Variants in MRPS6 observed in about 807,000 individuals in gnomAD.
MRPS6 encodes the protein mitochondrial ribosomal protein S6.
In MRPS6, 6 loss-of-function variants were observed where a neutral mutation model predicts 13.1. The ratio of observed to expected loss-of-function variants is 0.46; its 90% CI spans 0.25 to 0.91. The LOEUF is 0.91. MRPS6 is among the 40% of genes least tolerant of loss of function. The pLI is 0.18. For missense variants in MRPS6, 164 were observed against 155.6 expected, an observed-to-expected ratio of 1.05 and a Z score of -0.29; for synonymous variants, 61 against 56.5, an observed-to-expected ratio of 1.08 and a Z score of -0.36.
intron 1 of MRPS6, among the ~76,000 whole-genome samples, chr21:34,082,366 G>T (rs1412377170): frequency 1.3e-5 from 2 of 152,138 alleles, no homozygotes; most frequent in African/African-American, 4.8e-5. Context: ...GAGCTGCACC[G>T]TGTAAACTGT....
At chr21:34,080,640 G>A (rs578182674) in intron 1 of MRPS6, among the ~76,000 whole-genome samples, 28 of 152,242 alleles carry the variant, frequency 1.8e-4, no homozygotes, top group Non-Finnish European at 3.8e-4. Context: ...ATCTCATCAC[G>A]TCTCCCATCA....
At chr21:34,134,427 C>T (rs1228051500) in intron 2 of MRPS6, among the ~76,000 whole-genome samples, 2 of 152,170 alleles carry the variant, frequency 1.3e-5, no homozygotes, top group African/African-American at 4.8e-5. Context: ...CTGTTGCCTC[C>T]ATCCCACATC....
intron 2 of MRPS6, among the ~76,000 whole-genome samples, chr21:34,134,968 C>T (rs1007372063): frequency 1.3e-5 from 2 of 152,114 alleles, no homozygotes; most frequent in East Asian, 1.9e-4. Context: ...TTTCAATTTA[C>T]GGGTTTATCG....
chr21:34,119,108 C>G (rs1264580481), intron 1 of MRPS6, among the ~76,000 whole-genome samples: 4 of 151,982 alleles, frequency 2.6e-5, no homozygotes, highest in Admixed American at 6.6e-5. Flanking sequence ...CCTTAATTAC[C>G]TAGAGGACTG....
At chr21:34,135,136 G>T (rs1053697656) in intron 2 of MRPS6, among the ~76,000 whole-genome samples, 6 of 152,152 alleles carry the variant, frequency 3.9e-5, no homozygotes, top group Non-Finnish European at 7.3e-5. Context: ...TTGCTGAGTA[G>T]TATGGCATTG....
intron 1 of MRPS6, among the ~76,000 whole-genome samples, chr21:34,107,578 CTA>C (rs1156938323): frequency 2.0e-5 from 3 of 152,150 alleles, no homozygotes; most frequent in Admixed American, 2.0e-4. Context: ...ATTCATTTAT[CTA>C]TGAATCTTGC....
intron 1 of MRPS6, chr21:34,098,094 T>A (rs75106434): frequency 0.011 from 11,062 of 999,320 alleles, 62 homozygotes; most frequent in Non-Finnish European, 0.012. Context: ...GTTAAATGAT[T>A]ATGGGGGAGA....
At position 34,134,646 on chromosome 21, in the gene MRPS6, T is replaced by G. The variant is rs147728411; in HGVS notation, c.186-7762T>G. Among the ~76,000 whole-genome samples, 787 of 152,306 alleles carry G rather than the reference T, an allele frequency of 5.2e-3. 3 individuals are homozygous for G. Among genetic ancestry groups the G allele is most frequent in the Non-Finnish European group, 8.5e-3 (575 of 68,020 alleles). On this transcript the variant is annotated intron_variant, in intron 2 of 2. Transcript: ENST00000399312. ...TAAAATTTCCTCCTCCTCCTTCGAT[T>G]CCTTCCTCTACTTGTCCTTCATCCC...
Position 34,142,750 on chromosome 21 carries a change from C to A in MRPS6, c.*150C>A. ...TAAGGTATTTTTAGCCCTTGATCCC[C>A]TTTGCTTGCGAGAGGTGGGGAACTG... On this transcript the variant is annotated 3_prime_UTR_variant, in exon 3 of 3. Transcript: ENST00000399312. 1.1e-6 allele frequency: 1 copy of A among 927,388 alleles called. No homozygotes were observed. Among genetic ancestry groups the A allele is most frequent in the Non-Finnish European group, 1.5e-6 (1 of 668,078 alleles). The allele number at this position is 927,388 out of a possible 1,614,324, so 57.4% of individuals were successfully genotyped here.
rs187683000 is a variant in MRPS6 at position 34,142,887 on chromosome 21, C to T, written c.*287C>T. 4 of 246,898 alleles carry T rather than the reference C, an allele frequency of 1.6e-5. No homozygotes were observed. The highest frequency in any genetic ancestry group is 3.1e-5 in the Non-Finnish European group (4 of 130,592). The allele number at this position is 246,898 out of a possible 1,614,324, so 15.3% of individuals were successfully genotyped here. A position where few individuals can be genotyped will look rare whatever the true frequency, so the allele number is the denominator to read the frequency against. ...ACTTTTCCCCTTACAACAGTAACAC[C>T]ATTTTTTGAAGAGCAAAACTTATAA... On this transcript the variant is annotated 3_prime_UTR_variant, in exon 3 of 3. Coordinates refer to ENST00000399312, the MANE Select transcript of MRPS6 (RefSeq NM_032476.4).
In MRPS6 at chr21:34,084,213, T is replaced by C. The variant is rs193255640; in HGVS notation, c.45+10468T>C. On this transcript the variant is annotated intron_variant, in intron 1 of 2. Coordinates refer to ENST00000399312, the MANE Select transcript of MRPS6 (RefSeq NM_032476.4). ...ACTGAAAAGTATCTTTCAGAGGAAA[T>C]ACCCTAATTTCTGAATCTTCTATTT... is the stretch of plus-strand genomic sequence containing the variant. Among the ~76,000 whole-genome samples, 13 of 152,316 alleles carry C rather than the reference T, an allele frequency of 8.5e-5. No individual in the cohort carries two copies. In the East Asian group the frequency reaches 1.3e-3, roughly 16 times the overall value.
Position 34,097,948 on chromosome 21 carries a change from AC to A in MRPS6, c.45+24205del, listed in dbSNP as rs1268216518. The A allele has an allele frequency of 3.0e-6, 3 of 994,912 alleles. No individual in the cohort carries two copies. In the African/African-American group the frequency reaches 5.3e-5, roughly 17 times the overall value. The allele number at this position is 994,912 out of a possible 1,614,324, so 61.6% of individuals were successfully genotyped here. ...AATGTTTTCCTGTAGGTATTTTTGT[AC>A]CACCAGTATATGGAATGTTAGGGAA... On this transcript the variant is annotated intron_variant, in intron 1 of 2. Coordinates refer to ENST00000399312, the MANE Select transcript of MRPS6 (RefSeq NM_032476.4).
At chr21:34,083,216 C>T (rs559893670) in intron 1 of MRPS6, among the ~76,000 whole-genome samples, 1 of 152,270 alleles carries the variant, frequency 6.6e-6, no homozygotes, top group East Asian at 1.9e-4. Context: ...AGAAAATTCT[C>T]ATTGTGGTGA....
intron 1 of MRPS6, among the ~76,000 whole-genome samples, chr21:34,074,985 T>C (rs1056041776): frequency 3.9e-5 from 6 of 152,250 alleles, no homozygotes; most frequent in African/African-American, 1.2e-4. Context: ...CAGCTTGTTC[T>C]TCATGGATTT....
At chr21:34,074,716 A>G (rs911975194) in intron 1 of MRPS6, among the ~76,000 whole-genome samples, 6 of 152,212 alleles carry the variant, frequency 3.9e-5, no homozygotes, top group Admixed American at 3.3e-4. Context: ...AAATCATTGT[A>G]CCACGTCCGA....
chr21:34,137,416 T>G lies in MRPS6; in HGVS notation c.186-4992T>G, dbSNP rs183359557. ...TTGAATGTTTAATTCAAGGTCTGAT[T>G]ATTTGTTACTAGTATATAGAAATAA... On this transcript the variant is annotated intron_variant, in intron 2 of 2. Coordinates refer to ENST00000399312, the MANE Select transcript of MRPS6 (RefSeq NM_032476.4). Among the ~76,000 whole-genome samples the G allele has an allele frequency of 3.3e-5, 5 of 152,338 alleles. No individual in the cohort carries two copies. The East Asian group carries it at 9.6e-4, about 29-fold the overall frequency.
intron 1 of MRPS6, among the ~76,000 whole-genome samples, chr21:34,116,386 G>C (rs932798651): frequency 6.7e-6 from 1 of 148,508 alleles, no homozygotes; most frequent in Non-Finnish European, 1.5e-5. Context: ...ACATTAATAA[G>C]TTCTTTAGTG....
chr21:34,079,237 T>C (rs928473424), intron 1 of MRPS6, among the ~76,000 whole-genome samples: 18 of 152,218 alleles, frequency 1.2e-4, no homozygotes, highest in Non-Finnish European at 5.9e-5. Context: ...CATAAAACTT[T>C]CACATTTCAG....
At chr21:34,125,289 T>C (rs919253420) in intron 1 of MRPS6, 52 bp from the exon 2 acceptor site, 17 of 1,598,594 alleles carry the variant, frequency 1.1e-5, no homozygotes, top group African/African-American at 2.7e-5. Context: ...CTAGCTCTTA[T>C]ATTAATTCTG....
Sources: gnomAD v4.1 joint callset for allele counts (sites outside exome capture counted in the v4.1 genomes callset) on GRCh38, gnomAD v4.1.1 for gene constraint, MANE v1.5 for transcripts, NCBI Gene and HGNC (gene_info 2026-07-23, HGNC 2026-07-21) for gene names.